NAALAD2: variants seen among roughly 807,000 people sequenced by gnomAD.
NAALAD2 encodes the protein N-acetylated alpha-linked acidic dipeptidase 2, also known as N-acetylated-alpha-linked acidic dipeptidase 2.
A neutral mutation model predicts 95.6 loss-of-function variants in NAALAD2; 89 were observed. The ratio of observed to expected loss-of-function variants is 0.93; its 90% CI spans 0.78 to 1.11. The LOEUF (loss-of-function observed/expected upper bound fraction) is 1.11. NAALAD2 is among the 50% of genes least tolerant of loss of function. The pLI is 0.00. For synonymous variants in NAALAD2, 264 were observed against 294.4 expected (o/e 0.90, Z 1.06); for missense variants, 894 against 872.4 (o/e 1.02, Z -0.31).
At chr11:90,163,131 C>G in intron 9 of NAALAD2, 97 bp downstream of exon 9, 1 of 1,208,602 alleles carries the variant, frequency 8.3e-7, no homozygotes, top group Non-Finnish European at 1.2e-6. Flanking sequence ...GGTTTTTTGG[C>G]TGATTTGAAA....
intron 11 of NAALAD2, 110 bp downstream of exon 11, chr11:90,163,727 T>A: frequency 9.6e-7 from 1 of 1,043,392 alleles, no homozygotes; most frequent in Non-Finnish European, 1.5e-6. Context: ...TGGTTTTGTT[T>A]TGGAGAATGA....
intron 2 of NAALAD2, among the ~76,000 whole-genome samples, chr11:90,137,549 G>T (rs1341758565): frequency 6.6e-6 from 1 of 152,022 alleles, no homozygotes; most frequent in East Asian, 1.9e-4. Flanking sequence ...CACGGCTTTG[G>T]CTTATTTTGT....
At chr11:90,182,635 T>TAGAA (rs112463510) in intron 17 of NAALAD2, among the ~76,000 whole-genome samples, 62,038 of 151,400 alleles carry the variant, frequency 0.41, 12,985 homozygotes, top group South Asian at 0.49. Context: ...GCTGTCCTCC[T>TAGAA]AGAAGTATAG....
intron 17 of NAALAD2, 104 bp downstream of exon 17, chr11:90,181,805 A>C: frequency 1.4e-6 from 1 of 729,828 alleles, no homozygotes; most frequent in Non-Finnish European, 2.2e-6. Context: ...AATCACTACT[A>C]TTCAAATTAT....
intron 11 of NAALAD2, among the ~76,000 whole-genome samples, chr11:90,167,960 T>G (rs115370605): frequency 0.01 from 1,569 of 152,314 alleles, 27 homozygotes; most frequent in African/African-American, 0.036. Flanking sequence ...GGAGCAGCAG[T>G]GGCAACCCTC....
At chr11:90,185,011 G>T (rs950842791) in intron 18 of NAALAD2, among the ~76,000 whole-genome samples, 1 of 152,040 alleles carries the variant, frequency 6.6e-6, no homozygotes, top group Non-Finnish European at 1.5e-5. Context: ...TATCTGGGAG[G>T]ACTTGTATAT....
At chr11:90,163,741 A>T (rs559939510) in intron 11 of NAALAD2, 124 bp downstream of exon 11, 62 of 897,792 alleles carry the variant, frequency 6.9e-5, no homozygotes, top group Non-Finnish European at 1.0e-4. Flanking sequence ...AGAATGACTC[A>T]AGACAATTTA....
intron 2 of NAALAD2, among the ~76,000 whole-genome samples, chr11:90,140,017 A>G (rs983280458): frequency 1.3e-5 from 2 of 152,138 alleles, no homozygotes; most frequent in Non-Finnish European, 2.9e-5. Flanking sequence ...GTGTTATTCA[A>G]GGTTTACAGT....
chr11:90,152,398 A>G lies in NAALAD2; in HGVS notation c.710A>G (p.Asn237Ser). ...GTACAGCCATATCCCAAAGGATGGAATCTTCCTGGAACTGCAGCCCAGAGA... is the reference window on the plus strand; with the variant it reads ...GTACAGCCATATCCCAAAGGATGGAGTCTTCCTGGAACTGCAGCCCAGAGA... ...PEVQPYPKGW[N>S]LPGTAAQRGN... Residue 237 changes from asparagine to serine, a missense_variant, in exon 6 of 19, where the codon AAT (asparagine) becomes AGT (serine). Physicochemically the swap from Asn to Ser is conservative, Grantham distance 46. Coordinates refer to ENST00000534061, the MANE Select transcript of NAALAD2 (RefSeq NM_005467.4). The G allele has an allele frequency of 6.2e-7, 1 of 1,613,940 alleles. No homozygotes were observed. Among genetic ancestry groups the G allele is most frequent in the Non-Finnish European group, 8.5e-7 (1 of 1,179,888 alleles).
Position 90,173,877 on chromosome 11 carries a change from G to A in NAALAD2, c.1464G>A (p.Leu488=). 1 of 1,612,650 alleles carries A rather than the reference G, an allele frequency of 6.2e-7. No homozygotes were observed. Among genetic ancestry groups the A allele is most frequent in the South Asian group, 1.1e-5 (1 of 90,978 alleles). The change falls in exon 14 of 19, where the codon TTG becomes TTA. Residue 488 remains leucine, a synonymous_variant. Transcript: ENST00000534061. ...GTAAATCACTGTATGAAAGCTGGTT[G>A]GAAAAAGACCCTTCACCTGAAAATA... The part of the protein sequence containing the change: ...FESKSLYESW[L]EKDPSPENKN...
intron 18 of NAALAD2, among the ~76,000 whole-genome samples, chr11:90,190,748 AATG>A (rs1857298420): frequency 6.6e-6 from 1 of 152,124 alleles, no homozygotes; most frequent in Non-Finnish European, 1.5e-5. Context: ...GGTAAATCTG[AATG>A]ATGAGTGTTA....
rs762014238 is a variant in NAALAD2 at position 90,134,791 on chromosome 11, G to A, written c.33G>A (p.Trp11Ter). Reference sequence around the variant, plus strand: ...AATCCAGGGGCCGTCTGTACCTTTGGATGTGCTTGGCTGCTGCGCTGGCAT... The same window carrying A: ...AATCCAGGGGCCGTCTGTACCTTTGAATGTGCTTGGCTGCTGCGCTGGCAT... MAESRGRLYL[W>*]MCLAAALASF... The change falls in exon 1 of 19, where the codon TGG (tryptophan) becomes TGA (stop). Residue 11 changes from tryptophan to a stop codon, truncating the protein, a stop_gained. Transcript: ENST00000534061. LOFTEE classifies it high-confidence loss of function. 4 of 1,614,034 alleles carry A rather than the reference G, an allele frequency of 2.5e-6. No homozygotes were observed. The African/African-American group carries it at 5.3e-5, about 22-fold the overall frequency.
At chr11:90,154,962 A>ATGTATATATTATATACGTATAC (rs1952006177) in intron 6 of NAALAD2, among the ~76,000 whole-genome samples, 1 of 79,268 alleles carries the variant, frequency 1.3e-5, no homozygotes, top group African/African-American at 6.7e-5. Flanking sequence ...ACGTATACAT[A>ATGTATATATTATATACGTATAC]ATATGTATAT....
intron 16 of NAALAD2, among the ~76,000 whole-genome samples, chr11:90,180,702 A>G (rs1280627901): frequency 6.6e-6 from 1 of 152,058 alleles, no homozygotes; most frequent in African/African-American, 2.4e-5. Context: ...TGTAGAAAAT[A>G]TGGAAAATAA....
At chr11:90,136,445 C>T (rs1951455900) in intron 2 of NAALAD2, among the ~76,000 whole-genome samples, 1 of 152,164 alleles carries the variant, frequency 6.6e-6, no homozygotes, top group Non-Finnish European at 1.5e-5. Context: ...TCCCCATCCC[C>T]CTCCATCTCT....
At chr11:90,143,371 T>C (rs1050822868) in intron 2 of NAALAD2, among the ~76,000 whole-genome samples, 10 of 152,124 alleles carry the variant, frequency 6.6e-5, no homozygotes, top group African/African-American at 2.2e-4. Flanking sequence ...CTGGGTTGAC[T>C]CCGCTAATAC....
Position 90,154,795 on chromosome 11 carries a change from T to G in NAALAD2, c.796+2311T>G, listed in dbSNP as rs1951986740. Among the ~76,000 whole-genome samples, 3 of 147,964 alleles carry G rather than the reference T, an allele frequency of 2.0e-5. No homozygotes were observed. In the Admixed American group the frequency reaches 2.1e-4, roughly 10 times the overall value. ...ACTGTTTTTCACTACAAATTGAATT[T>G]CATATATATATATGTAATATATGTA... On this transcript the variant is annotated intron_variant, in intron 6 of 18. Transcript: ENST00000534061.
upstream of NAALAD2, among the ~76,000 whole-genome samples, chr11:90,132,511 A>C (rs866930847): frequency 2.0e-5 from 3 of 152,174 alleles, no homozygotes; most frequent in Non-Finnish European, 2.9e-5. Flanking sequence ...CAAGAGTCTA[A>C]AAATTGACAA....
intron 18 of NAALAD2, among the ~76,000 whole-genome samples, chr11:90,184,995 T>C (rs1444282165): frequency 6.6e-6 from 1 of 152,154 alleles, no homozygotes; most frequent in Non-Finnish European, 1.5e-5. Flanking sequence ...TAGAGCTGAT[T>C]TAAAGTATCT....
Sources: gnomAD v4.1 joint callset for allele counts (sites outside exome capture counted in the v4.1 genomes callset) on GRCh38, gnomAD v4.1.1 for gene constraint, MANE v1.5 for transcripts, NCBI Gene and HGNC (gene_info 2026-07-23, HGNC 2026-07-21) for gene names.